Variants in RGS1 observed in about 807,000 individuals in gnomAD.
RGS1 encodes B-cell activation protein BL34.
RGS1 carries 11 observed loss-of-function variants against 22.2 expected under a neutral mutation model. That is an observed-to-expected ratio of 0.50 (90% CI 0.31 to 0.82). RGS1 has a LOEUF of 0.82. Ranked by LOEUF, RGS1 falls within the 40% of genes least tolerant of loss-of-function variation. The pLI is 0.04. For missense variants in RGS1, 255 were observed against 245.8 expected (o/e 1.04, Z -0.25); for synonymous variants, 81 against 79.9 (o/e 1.01, Z -0.07).
intron 3 of RGS1, chr1:192,577,062 A>G (rs1407737049): frequency 7.4e-6 from 3 of 405,168 alleles, no homozygotes; most frequent in Admixed American, 8.8e-5. Flanking sequence ...AGGTATTTTC[A>G]TAGATCATTA....
At position 192,579,415 on chromosome 1, in the gene RGS1, G is replaced by C. The variant is rs1402647651; in HGVS notation, c.*93G>C. The C allele has an allele frequency of 5.0e-6, 6 of 1,210,510 alleles. No individual in the cohort carries two copies. Among genetic ancestry groups the C allele is most frequent in the Admixed American group, 4.9e-5 (2 of 41,178 alleles). 75.0% of individuals were successfully genotyped at this position (1,210,510 alleles called of 1,614,324 possible). A position where few individuals can be genotyped will look rare whatever the true frequency, so the allele number is the denominator to read the frequency against. Reference sequence around the variant, plus strand: ...CTGGGTGAACAGCTTGGCCTTTTTTGGGTGTCTTGACAGGCCAAGAAGAAC... The same window carrying C: ...CTGGGTGAACAGCTTGGCCTTTTTTCGGTGTCTTGACAGGCCAAGAAGAAC... On this transcript the variant is annotated 3_prime_UTR_variant, in exon 5 of 5. Transcript: ENST00000367459.
intron 3 of RGS1, 129 bp downstream of exon 3, chr1:192,576,964 G>C: frequency 1.4e-6 from 1 of 720,352 alleles, no homozygotes; most frequent in Non-Finnish European, 2.2e-6. Context: ...TGTAGTTACT[G>C]ATAACTTCAG....
chr1:192,577,407 A>T (rs551753808), intron 3 of RGS1: 2 of 152,182 alleles, frequency 1.3e-5, no homozygotes, highest in Admixed American at 1.3e-4. Flanking sequence ...ATATGATAGA[A>T]GGATTTTTAA....
Position 192,579,665 on chromosome 1 carries a change from T to C in RGS1, c.*343T>C, listed in dbSNP as rs1662132570. On this transcript the variant is annotated 3_prime_UTR_variant, in exon 5 of 5. Coordinates refer to ENST00000367459, the MANE Select transcript of RGS1 (RefSeq NM_002922.4). ...CTATGAAACTGATTACAACAGACTG[T>C]AAGAATCAAAGTCAACTGACATCTA... is the stretch of plus-strand genomic sequence containing the variant. The C allele has an allele frequency of 1.5e-5, 3 of 200,042 alleles. No individual in the cohort carries two copies. Among genetic ancestry groups the C allele is most frequent in the Middle Eastern group, 1.7e-3 (1 of 580 alleles). 12.4% of individuals were successfully genotyped at this position (200,042 alleles called of 1,614,324 possible).
At chr1:192,578,186 T>C in intron 3 of RGS1, 36 bp from the exon 4 acceptor site, 3 of 1,568,552 alleles carry the variant, frequency 1.9e-6, no homozygotes, top group Non-Finnish European at 1.7e-6. Flanking sequence ...TCATTTAATT[T>C]AATTATCTCC....
chr1:192,578,947 C>T, intron 4 of RGS1, 190 bp from the exon 5 acceptor site: 1 of 566,940 alleles, frequency 1.8e-6, no homozygotes, highest in Non-Finnish European at 3.0e-6. Flanking sequence ...GGAACAAAGA[C>T]ATTTTTGTAA....
At chr1:192,576,884 A>C in intron 3 of RGS1, 49 bp downstream of exon 3, 2 of 1,487,372 alleles carry the variant, frequency 1.3e-6, no homozygotes, top group Non-Finnish European at 9.3e-7. Flanking sequence ...TACTCTAAAA[A>C]ATTGAATGGC....
At chr1:192,576,438 CA>C in intron 2 of RGS1, 73 bp downstream of exon 2, 12 of 1,101,090 alleles carry the variant, frequency 1.1e-5, no homozygotes, top group Non-Finnish European at 1.5e-5. Context: ...TATATCCCAG[CA>C]AGGGATAAAT....
In RGS1 at chr1:192,576,591, GT is replaced by G. The variant is rs34222718; in HGVS notation, c.219-173del. The G allele has an allele frequency of 8.8e-3, 5,325 of 602,272 alleles. 169 individuals are homozygous for G. The highest frequency in any genetic ancestry group is 0.084 in the African/African-American group (4,360 of 51,658). 37.3% of individuals were successfully genotyped at this position (602,272 alleles called of 1,614,324 possible). A position where few individuals can be genotyped will look rare whatever the true frequency, so the allele number is the denominator to read the frequency against. On this transcript the variant is annotated intron_variant, in intron 2 of 4. Coordinates refer to ENST00000367459, the MANE Select transcript of RGS1 (RefSeq NM_002922.4). ...GGATTTTTTCAAATTTTATTGGCAG[GT>G]TTTTTTTTTCATAACTATAGTAACT... is the stretch of plus-strand genomic sequence containing the variant.
chr1:192,578,921 T>C, intron 4 of RGS1: 1 of 526,972 alleles, frequency 1.9e-6, no homozygotes, highest in Non-Finnish European at 3.3e-6. Flanking sequence ...CTCCTAACTA[T>C]ACTATGAGGA....
Position 192,579,151 on chromosome 1 carries a change from C to G in RGS1, c.459C>G (p.Phe153Leu). Residue 153 changes from phenylalanine (F) to leucine (L), a missense_variant, in exon 5 of 5, where the codon TTC becomes TTG. Coordinates refer to ENST00000367459, the MANE Select transcript of RGS1 (RefSeq NM_002922.4). The stretch of plus-strand genomic sequence containing the variant: ...TTCTTTTTTAGATCAATATTGACTT[C>G]CGCACTCGAGAATCTACAGCCAAGA... Reference protein sequence around the residue: ...SDAAKQINIDFRTRESTAKKI... With the variant: ...SDAAKQINIDLRTRESTAKKI... 2 of 1,612,222 alleles carry G rather than the reference C, an allele frequency of 1.2e-6. No individual in the cohort carries two copies. The highest frequency in any genetic ancestry group is 2.2e-5 in the East Asian group (1 of 44,832).
At chr1:192,576,879 TA>T (rs938161163) in intron 3 of RGS1, 44 bp downstream of exon 3, 1 of 1,518,620 alleles carries the variant, frequency 6.6e-7, no homozygotes, top group Admixed American at 1.7e-5. Flanking sequence ...CTAAATACTC[TA>T]AAAAATTGAA....
chr1:192,578,004 G>C (rs1662094255), intron 3 of RGS1: 5 of 553,466 alleles, frequency 9.0e-6, no homozygotes, highest in Non-Finnish European at 1.5e-5. Context: ...CTATGAATGA[G>C]TTTGTCTGGC....
At chr1:192,577,050 T>C (rs1019577392) in intron 3 of RGS1, 10 of 415,232 alleles carry the variant, frequency 2.4e-5, no homozygotes, top group Admixed American at 1.3e-4. Context: ...GCCAAGACAA[T>C]TAGGTATTTT....
intron 4 of RGS1, 43 bp downstream of exon 4, chr1:192,578,428 C>T (rs1244730262): frequency 3.1e-6 from 5 of 1,596,446 alleles, no homozygotes; most frequent in Non-Finnish European, 3.4e-6. Flanking sequence ...CATAAAAGAC[C>T]CTATATGCAG....
At position 192,576,379 on chromosome 1, in the gene RGS1, T is replaced by C. The variant is rs1414906009; in HGVS notation, c.218+14T>C. 6.5e-7 allele frequency: 1 copy of C among 1,538,408 alleles called. No homozygotes were observed. The highest frequency in any genetic ancestry group is 1.4e-5 in the African/African-American group (1 of 73,254). On this transcript the variant is annotated intron_variant, in intron 2 of 4. Transcript: ENST00000367459. ...GTCCAAGGATGTGTAAGTACACTAA[T>C]ACACTAAACTATCATTATCATTTAC...
chr1:192,576,445 T>C (rs1485656579), intron 2 of RGS1, 80 bp downstream of exon 2: 33 of 1,015,892 alleles, frequency 3.2e-5, no homozygotes, highest in Non-Finnish European at 4.8e-5. Flanking sequence ...CAGCAAGGGA[T>C]AAATACTGCG....
chr1:192,578,075 A>T, intron 3 of RGS1, 147 bp from the exon 4 acceptor site: 1 of 929,534 alleles, frequency 1.1e-6, no homozygotes, highest in African/African-American at 1.7e-5. Context: ...TACAATCTAT[A>T]ACACAGCTAT....
In RGS1 at chr1:192,579,780, T is replaced by C. The variant is rs1470643928; in HGVS notation, c.*458T>C. On this transcript the variant is annotated 3_prime_UTR_variant, in exon 5 of 5. Transcript: ENST00000367459. ...TTCAAATTGCCATTGCTACTATTGC[T>C]TGTCGGTGTTATTTTATTTTATTGT... The C allele has an allele frequency of 6.6e-6, 1 of 152,476 alleles. No individual in the cohort carries two copies. The highest frequency in any genetic ancestry group is 1.5e-5 in the Non-Finnish European group (1 of 68,248). The allele number at this position is 152,476 out of a possible 1,614,324, so 9.4% of individuals were successfully genotyped here. A position where few individuals can be genotyped will look rare whatever the true frequency, so the allele number is the denominator to read the frequency against.
Sources: gnomAD v4.1 joint callset for allele counts on GRCh38, gnomAD v4.1.1 for gene constraint, MANE v1.5 for transcripts, NCBI Gene and HGNC (gene_info 2026-07-23, HGNC 2026-07-21) for gene names.